The following NEDD4L variants were observed in gnomAD, a reference collection of about 807,000 sequenced individuals.
The protein encoded by NEDD4L is E3 ubiquitin-protein ligase NEDD4-like.
NEDD4L carries 54 observed loss-of-function variants against 148.9 expected under a neutral mutation model. That is an observed-to-expected ratio of 0.36 (90% confidence interval 0.29 to 0.45). The LOEUF (loss-of-function observed/expected upper bound fraction) is 0.45, where lower values mean the gene tolerates loss of function less well. NEDD4L is among the 20% of genes least tolerant of loss of function. The probability of loss-of-function intolerance (pLI) is 1.00; values close to 1 mark genes in which losing one functional copy is unlikely to be tolerated. For synonymous variants in NEDD4L, 433 were observed against 440.7 expected (o/e 0.98, Z 0.22); for missense variants, 856 against 1,233.8 (o/e 0.69, Z 4.59).
At chr18:58,385,765 T>C (rs2048932950) in intron 26 of NEDD4L, among the ~76,000 whole-genome samples, 179 bp downstream of exon 26, 1 of 151,826 alleles carries the variant, frequency 6.6e-6, no homozygotes, top group Non-Finnish European at 1.5e-5. Flanking sequence ...AGCACAAGAG[T>C]GTTCAGCCAC....
At chr18:58,352,791 G>A (rs2044081839) in intron 18 of NEDD4L, among the ~76,000 whole-genome samples, 1 of 152,230 alleles carries the variant, frequency 6.6e-6, no homozygotes, top group African/African-American at 2.4e-5. Flanking sequence ...TGTGACGCAT[G>A]GAGAGCATTG....
chr18:58,145,476 T>C (rs1373108986), intron 1 of NEDD4L, among the ~76,000 whole-genome samples: 3 of 152,196 alleles, frequency 2.0e-5, no homozygotes, highest in East Asian at 3.8e-4. Context: ...TTTTCCTCTT[T>C]TGTAAAATAC....
At position 58,313,377 on chromosome 18, in the gene NEDD4L, C is replaced by T. The variant is rs1048307077; in HGVS notation, c.298-2605C>T. On this transcript the variant is annotated intron_variant, in intron 5 of 30. Transcript: ENST00000400345. ...ACTGTATTCCATTTGAGGAAAGGAACGGTTGGAGTAGGAGGTAGTGTAAAG... is the reference window on the plus strand; with the variant it reads ...ACTGTATTCCATTTGAGGAAAGGAATGGTTGGAGTAGGAGGTAGTGTAAAG... Among the ~76,000 whole-genome samples, 9 of 152,122 alleles carry T rather than the reference C, an allele frequency of 5.9e-5. No individual in the cohort carries two copies. The East Asian group carries it at 7.7e-4, about 13-fold the overall frequency.
chr18:58,387,560 A>G, intron 27 of NEDD4L, 62 bp downstream of exon 27: 1 of 1,388,174 alleles, frequency 7.2e-7, no homozygotes, highest in Non-Finnish European at 9.7e-7. Context: ...TCATTACTTT[A>G]CAAGTAATAT....
At chr18:58,281,984 C>T (rs2053189105) in intron 5 of NEDD4L, among the ~76,000 whole-genome samples, 1 of 150,448 alleles carries the variant, frequency 6.6e-6, no homozygotes, top group African/African-American at 2.5e-5. Flanking sequence ...GAGATCGCGC[C>T]ACTGCACTCC....
intron 2 of NEDD4L, among the ~76,000 whole-genome samples, chr18:58,234,111 CTTTT>C (rs779148206): frequency 2.5e-4 from 18 of 71,006 alleles, no homozygotes; most frequent in African/African-American, 6.3e-4. Context: ...CTTTTCTTTT[CTTTT>C]CTTTTCCTTC....
chr18:58,176,852 G>A (rs1040113807), intron 2 of NEDD4L, among the ~76,000 whole-genome samples: 1 of 152,244 alleles, frequency 6.6e-6, no homozygotes, highest in African/African-American at 2.4e-5. Flanking sequence ...GGGTCACTGA[G>A]TCTGTAGGGC....
intron 24 of NEDD4L, among the ~76,000 whole-genome samples, chr18:58,376,996 C>T (rs1181873938): frequency 6.6e-6 from 1 of 152,256 alleles, no homozygotes; most frequent in African/African-American, 2.4e-5. Context: ...CCCTATGCAT[C>T]TTCCATGCCT....
At chr18:58,121,427 C>A (rs902539464) in intron 1 of NEDD4L, among the ~76,000 whole-genome samples, 1 of 151,882 alleles carries the variant, frequency 6.6e-6, no homozygotes, top group African/African-American at 2.4e-5. Context: ...TCTTTTCTTT[C>A]ATTCTTTTTT....
In NEDD4L at chr18:58,068,995, G is replaced by A. The variant is rs1031915396; in HGVS notation, c.48+24287G>A. On this transcript the variant is annotated intron_variant, in intron 1 of 30. Coordinates refer to ENST00000400345, the MANE Select transcript of NEDD4L (RefSeq NM_001144967.3). ...CTACTAAAAATATAAAAATTAGCTG[G>A]GTGTGATGATGTGCACCTGTAGTCC... is the stretch of plus-strand genomic sequence containing the variant. Among the ~76,000 whole-genome samples, 17 of 152,046 alleles carry A rather than the reference G, an allele frequency of 1.1e-4. No homozygotes were observed. The East Asian group carries it at 3.3e-3, about 29-fold the overall frequency.
chr18:58,218,353 C>T (rs2043366369), intron 2 of NEDD4L, among the ~76,000 whole-genome samples: 2 of 152,152 alleles, frequency 1.3e-5, no homozygotes, highest in Admixed American at 6.5e-5. Flanking sequence ...TGGCTTATTG[C>T]TTACATTTAA....
chr18:58,066,685 A>G (rs2082615763), intron 1 of NEDD4L, among the ~76,000 whole-genome samples: 1 of 152,090 alleles, frequency 6.6e-6, no homozygotes, highest in Non-Finnish European at 1.5e-5. Context: ...AAGAGGTTTA[A>G]TTGGCTCACG....
intron 1 of NEDD4L, among the ~76,000 whole-genome samples, chr18:58,052,151 C>T (rs1470452162): frequency 6.6e-6 from 1 of 152,124 alleles, no homozygotes; most frequent in African/African-American, 2.4e-5. Context: ...GCTGTGTGGA[C>T]CCTTCTGTAA....
At chr18:58,164,430 G>A (rs1219437209) in intron 1 of NEDD4L, among the ~76,000 whole-genome samples, 1 of 152,208 alleles carries the variant, frequency 6.6e-6, no homozygotes, top group African/African-American at 2.4e-5. Context: ...AGTGCCTCAA[G>A]TGACTAATGG....
rs567811540 is a variant in NEDD4L at position 58,114,351 on chromosome 18, T to A, written c.49-51437T>A. ...TCCATTGGGAGATTTAAAAAAAATA[T>A]ATATATATATACACACACACACACA... On this transcript the variant is annotated intron_variant, in intron 1 of 30. Transcript: ENST00000400345. Among the ~76,000 whole-genome samples, 13 of 148,604 alleles carry A rather than the reference T, an allele frequency of 8.7e-5. No individual in the cohort carries two copies. The East Asian group carries it at 2.1e-3, about 24-fold the overall frequency.
At chr18:58,151,207 T>C (rs974720922) in intron 1 of NEDD4L, among the ~76,000 whole-genome samples, 1 of 152,166 alleles carries the variant, frequency 6.6e-6, no homozygotes, top group Non-Finnish European at 1.5e-5. Context: ...TGGAGTGGTG[T>C]CAAGGGAAAG....
chr18:58,179,791 A>C (rs995392624), intron 2 of NEDD4L, among the ~76,000 whole-genome samples: 3 of 151,998 alleles, frequency 2.0e-5, no homozygotes, highest in Non-Finnish European at 4.4e-5. Context: ...CGGGGCTCCT[A>C]CTGATTCTAT....
chr18:58,241,941 C>A (rs1359935114), intron 2 of NEDD4L, among the ~76,000 whole-genome samples: 2 of 152,030 alleles, frequency 1.3e-5, no homozygotes, highest in African/African-American at 4.8e-5. Context: ...ATTGAGCTTC[C>A]TAGAGAGTCA....
chr18:58,238,394 T>A (rs1430729937), intron 2 of NEDD4L, among the ~76,000 whole-genome samples: 1 of 152,228 alleles, frequency 6.6e-6, no homozygotes, highest in African/African-American at 2.4e-5. Context: ...GTAACTGTTA[T>A]TAGTTTTTTG....
Sources: gnomAD v4.1 joint callset for allele counts (sites outside exome capture counted in the v4.1 genomes callset) on GRCh38, gnomAD v4.1.1 for gene constraint, MANE v1.5 for transcripts, NCBI Gene and HGNC (gene_info 2026-07-23, HGNC 2026-07-21) for gene names.